Variants in USP9X observed in about 807,000 individuals in gnomAD.
USP9X encodes the protein ubiquitin specific peptidase 9 X-linked, also known as ubiquitin carboxyl-terminal hydrolase 9X.
In USP9X, 7 loss-of-function variants were observed where a neutral mutation model predicts 190.3. That is an observed-to-expected ratio of 0.04 (90% CI 0.02 to 0.07). The LOEUF is 0.07. Among genes scored for constraint, USP9X ranks in the 10% least tolerant of loss-of-function variants. The pLI is 1.00. For synonymous variants in USP9X, 645 were observed against 659.5 expected (o/e 0.98, Z 0.34); for missense variants, 1,010 against 1,916.9 (o/e 0.53, Z 8.83).
At chrX:41,147,875 A>T (rs2062484532) in intron 11 of USP9X, among the ~76,000 whole-genome samples, 1 of 112,292 alleles carries the variant, frequency 8.9e-6, no homozygotes, top group South Asian at 3.6e-4. Flanking sequence ...TGGGTAATTT[A>T]TAAAGAACAG....
intron 35 of USP9X, 138 bp downstream of exon 35, chrX:41,216,790 C>T: frequency 1.3e-6 from 1 of 758,816 alleles, no homozygotes; most frequent in African/African-American, 2.1e-5. Context: ...CGCCTGTAAT[C>T]CCAGCACTTT....
rs2063138679 is a variant in USP9X at position 41,209,403 on chromosome X, T to G, written c.5016-1106T>G. On this transcript the variant is annotated intron_variant, in intron 32 of 44. Coordinates refer to ENST00000378308, the MANE Select transcript of USP9X (RefSeq NM_001039591.3). ...ATTTGTGTGATTGTTTCCTGATGATTAGCTTTATGTTAAATGTTGAGGGGG... is the reference window on the plus strand; with the variant it reads ...ATTTGTGTGATTGTTTCCTGATGATGAGCTTTATGTTAAATGTTGAGGGGG... 7.2e-5 allele frequency among the ~76,000 whole-genome samples: 8 copies of G among 111,559 alleles called. No homozygotes were observed. In the South Asian group the frequency reaches 3.0e-3, roughly 42 times the overall value.
chrX:41,096,807 TTCA>T (rs1383406488), intron 1 of USP9X, among the ~76,000 whole-genome samples: 2 of 112,016 alleles, frequency 1.8e-5, no homozygotes, highest in African/African-American at 6.5e-5. Context: ...CTCTTGGGTC[TTCA>T]TGACTCTGTA....
At chrX:41,167,440 A>G in intron 16 of USP9X, 42 bp from the exon 17 acceptor site, 1 of 1,082,563 alleles carries the variant, frequency 9.2e-7, no homozygotes, top group South Asian at 1.9e-5. Context: ...CAACAAAAAT[A>G]TATGTTGAAA....
intron 1 of USP9X, among the ~76,000 whole-genome samples, chrX:41,122,160 C>T (rs1411185896): frequency 1.8e-5 from 2 of 110,750 alleles, no homozygotes; most frequent in Non-Finnish European, 3.8e-5. Flanking sequence ...AATTTGTTCT[C>T]TCACAATTCT....
At chrX:41,173,157 G>A (rs1476563799) in intron 21 of USP9X, among the ~76,000 whole-genome samples, 1 of 110,873 alleles carries the variant, frequency 9.0e-6, no homozygotes, top group African/African-American at 3.3e-5. Context: ...TTCCACCTTT[G>A]GGGTGGCTTC....
intron 2 of USP9X, among the ~76,000 whole-genome samples, chrX:41,124,221 G>A (rs187220593): frequency 4.3e-4 from 48 of 111,025 alleles, no homozygotes; most frequent in African/African-American, 1.2e-3. Flanking sequence ...TGAGGCAGGC[G>A]GATCACAAGG....
chrX:41,231,019 G>GA (rs956544771), intron 44 of USP9X, among the ~76,000 whole-genome samples: 2 of 110,715 alleles, frequency 1.8e-5, no homozygotes, highest in Admixed American at 9.6e-5. Flanking sequence ...AAAATCACTG[G>GA]AAAAAAAAGG....
At chrX:41,096,482 G>C (rs189385538) in intron 1 of USP9X, among the ~76,000 whole-genome samples, 34 of 111,560 alleles carry the variant, frequency 3.0e-4, no homozygotes, top group African/African-American at 9.1e-4. Context: ...TCGCTCTGCC[G>C]CCCAGGCTGG....
chrX:41,181,256 A>C (rs1389958410), intron 21 of USP9X, among the ~76,000 whole-genome samples: 1 of 104,817 alleles, frequency 9.5e-6, no homozygotes, highest in Non-Finnish European at 1.9e-5. Context: ...CATAGCTTAA[A>C]TGCTATTTCT....
chrX:41,192,451 C>T (rs1200954287), intron 26 of USP9X, among the ~76,000 whole-genome samples: 2 of 111,990 alleles, frequency 1.8e-5, no homozygotes, highest in Non-Finnish European at 3.8e-5. Context: ...GTTTCCACAG[C>T]CTGTTGTTTT....
intron 14 of USP9X, among the ~76,000 whole-genome samples, chrX:41,161,635 C>CTTTT (rs759623425): frequency 0.018 from 863 of 47,378 alleles, 79 homozygotes; most frequent in African/African-American, 0.065. Flanking sequence ...GGCGCCCTGC[C>CTTTT]TTTTTTTTTT....
intron 31 of USP9X, among the ~76,000 whole-genome samples, chrX:41,204,133 T>C (rs1161062389): frequency 4.5e-5 from 5 of 112,166 alleles, no homozygotes; most frequent in African/African-American, 1.6e-4. Context: ...GACACCCTAA[T>C]TGAGTGTGAG....
chrX:41,198,043 T>C (rs892637257), intron 29 of USP9X, among the ~76,000 whole-genome samples: 4 of 112,012 alleles, frequency 3.6e-5, no homozygotes, highest in Non-Finnish European at 5.6e-5. Context: ...AATAAGATAC[T>C]TTATAAAGTA....
intron 1 of USP9X, among the ~76,000 whole-genome samples, chrX:41,105,896 A>G (rs902300425): frequency 8.9e-6 from 1 of 111,908 alleles, no homozygotes; most frequent in African/African-American, 3.2e-5. Flanking sequence ...AATAATGTTG[A>G]GTATCTTTTC....
chrX:41,113,507 G>T, intron 1 of USP9X, among the ~76,000 whole-genome samples: 1 of 112,070 alleles, frequency 8.9e-6, no homozygotes. Context: ...CCAAAAATAA[G>T]TATTTTTGTA....
At chrX:41,091,815 AT>A (rs2061957260) in intron 1 of USP9X, among the ~76,000 whole-genome samples, 1 of 111,887 alleles carries the variant, frequency 8.9e-6, no homozygotes. Flanking sequence ...ATGAAGCTAT[AT>A]CTATATGTGT....
At chrX:41,201,480 T>TGC in intron 31 of USP9X, among the ~76,000 whole-genome samples, 200 bp downstream of exon 31, 1 of 111,444 alleles carries the variant, frequency 9.0e-6, no homozygotes, top group Admixed American at 9.6e-5. Context: ...AGCTGGAGGC[T>TGC]GCAGTGAGCC....
chrX:41,211,695 C>T (rs867673915), intron 33 of USP9X, among the ~76,000 whole-genome samples: 71 of 103,850 alleles, frequency 6.8e-4, no homozygotes, highest in African/African-American at 1.4e-3. Flanking sequence ...CCAGCCGCCC[C>T]GTCCGGGAGG....
Sources: gnomAD v4.1 joint callset for allele counts (sites outside exome capture counted in the v4.1 genomes callset) on GRCh38, gnomAD v4.1.1 for gene constraint, MANE v1.5 for transcripts, NCBI Gene and HGNC (gene_info 2026-07-23, HGNC 2026-07-21) for gene names.